WDPCP: variants seen among roughly 807,000 people sequenced by gnomAD.
WDPCP encodes the protein WD repeat containing planar cell polarity effector.
Under a neutral mutation model 93.1 loss-of-function variants are expected in WDPCP, and 71 were observed. The ratio of observed to expected loss-of-function variants is 0.76; its 90% confidence interval spans 0.63 to 0.93. The LOEUF (loss-of-function observed/expected upper bound fraction) is 0.93. Ranked by LOEUF, WDPCP falls within the 40% of genes least tolerant of loss-of-function variation. The pLI is 0.00. For synonymous variants in WDPCP, 315 were observed against 315.0 expected, an observed-to-expected ratio of 1.00 and a Z score of 0.00; for missense variants, 844 against 887.4, an observed-to-expected ratio of 0.95 and a Z score of 0.62.
chr2:63,521,475 T>C (rs992534539), intron 1 of WDPCP, among the ~76,000 whole-genome samples: 3 of 152,092 alleles, frequency 2.0e-5, no homozygotes, highest in Non-Finnish European at 4.4e-5. Flanking sequence ...CATTACATAA[T>C]GGTAAAAGGC....
chr2:63,691,891 TG>T (rs1668896882), intron 2 of WDPCP, among the ~76,000 whole-genome samples: 2 of 151,810 alleles, frequency 1.3e-5, no homozygotes, highest in Non-Finnish European at 2.9e-5. Context: ...TGTGTGTGTG[TG>T]TGTGTGTGTG....
Position 63,658,592 on chromosome 2 carries a change from G to A in WDPCP, n.309-7754C>T, listed in dbSNP as rs1246861725. On this transcript the variant is annotated intron_variant and non_coding_transcript_variant, in intron 2 of 4. Transcript: ENST00000467687. ...AATTTATATTTATTCTTATTTATCAGAAAATCAAAACATTATGAAAAATTT... is the reference window on the plus strand; with the variant it reads ...AATTTATATTTATTCTTATTTATCAAAAAATCAAAACATTATGAAAAATTT... Among the ~76,000 whole-genome samples, 7 of 152,172 alleles carry A rather than the reference G, an allele frequency of 4.6e-5. No individual in the cohort carries two copies. The South Asian group carries it at 1.4e-3, about 31-fold the overall frequency.
chr2:63,466,842 T>G (rs1177633196), intron 6 of WDPCP, among the ~76,000 whole-genome samples: 3 of 152,162 alleles, frequency 2.0e-5, no homozygotes, highest in Non-Finnish European at 4.4e-5. Flanking sequence ...GCAAAATACG[T>G]GGAAGCTTCC....
intron 3 of WDPCP, chr2:63,595,058 T>C: frequency 3.2e-6 from 1 of 312,888 alleles, no homozygotes; most frequent in Non-Finnish European, 6.0e-6. Context: ...CCATGGATAC[T>C]GAATTATTCT....
intron 15 of WDPCP, among the ~76,000 whole-genome samples, chr2:63,173,523 A>G (rs141297801): frequency 0.019 from 2,908 of 152,298 alleles, 103 homozygotes; most frequent in African/African-American, 0.067. Flanking sequence ...TTTCAAAGCC[A>G]GTCCTACCAT....
intron 3 of WDPCP, among the ~76,000 whole-genome samples, chr2:63,617,748 T>G (rs1261697786): frequency 2.6e-5 from 4 of 152,234 alleles, no homozygotes; most frequent in African/African-American, 9.7e-5. Flanking sequence ...GTAAATTTCC[T>G]TTATAAAAGA....
intron 13 of WDPCP, among the ~76,000 whole-genome samples, chr2:63,264,523 A>G (rs1024471100): frequency 6.6e-6 from 1 of 152,218 alleles, no homozygotes; most frequent in African/African-American, 2.4e-5. Context: ...CAGTTCATCA[A>G]GAAGTTATAA....
intron 12 of WDPCP, among the ~76,000 whole-genome samples, chr2:63,359,382 A>C (rs1257456205): frequency 1.3e-5 from 2 of 152,260 alleles, no homozygotes; most frequent in Non-Finnish European, 2.9e-5. Flanking sequence ...ATTTCACTAG[A>C]GAGCATAAAG....
chr2:63,484,038 T>C (rs1341512935), intron 6 of WDPCP, among the ~76,000 whole-genome samples: 1 of 151,972 alleles, frequency 6.6e-6, no homozygotes, highest in Non-Finnish European at 1.5e-5. Flanking sequence ...ATTGAACACT[T>C]AAATGCGGGT....
chr2:63,649,278 A>C (rs963921989), intron 3 of WDPCP, among the ~76,000 whole-genome samples: 1 of 152,160 alleles, frequency 6.6e-6, no homozygotes, highest in African/African-American at 2.4e-5. Context: ...TTTCATGGAC[A>C]TTTCATTTAA....
At chr2:63,454,803 A>G (rs1357765553) in intron 6 of WDPCP, among the ~76,000 whole-genome samples, 1 of 152,184 alleles carries the variant, frequency 6.6e-6, no homozygotes, top group African/African-American at 2.4e-5. Context: ...AAAATTCTAA[A>G]AACAGCAGCA....
rs1446050898 is a variant in WDPCP, at chr2:63,773,166, G to A, written n.308+40456C>T. Reference sequence around the variant, plus strand: ...ATTTACAGCAGCATTATTTATAATAGCCAGAAAACTGGGAATAATCCAAAT... The same window carrying A: ...ATTTACAGCAGCATTATTTATAATAACCAGAAAACTGGGAATAATCCAAAT... On this transcript the variant is annotated intron_variant and non_coding_transcript_variant, in intron 2 of 4. Transcript: ENST00000467687. Among the ~76,000 whole-genome samples, 8 of 152,024 alleles carry A rather than the reference G, an allele frequency of 5.3e-5. No homozygotes were observed. In the East Asian group the frequency reaches 7.7e-4, roughly 15 times the overall value.
upstream of WDPCP, among the ~76,000 whole-genome samples, chr2:63,591,158 G>A (rs896070350): frequency 3.9e-5 from 6 of 152,226 alleles, no homozygotes; most frequent in Admixed American, 1.3e-4. Flanking sequence ...GAGCAAAGAC[G>A]TTCCTTTTTT....
intron 2 of WDPCP, among the ~76,000 whole-genome samples, chr2:63,746,389 A>G (rs757190247): frequency 5.3e-5 from 8 of 152,182 alleles, no homozygotes; most frequent in Non-Finnish European, 1.0e-4. Context: ...GTTTTTGAAC[A>G]ATATGAAATA....
At chr2:63,750,679 G>A (rs1669865546) in intron 2 of WDPCP, among the ~76,000 whole-genome samples, 2 of 152,046 alleles carry the variant, frequency 1.3e-5, no homozygotes, top group African/African-American at 2.4e-5. Flanking sequence ...AGCTAAAAGT[G>A]TTCTTATAAT....
chr2:63,215,530 C>T (rs1268710313), intron 14 of WDPCP, among the ~76,000 whole-genome samples: 1 of 152,182 alleles, frequency 6.6e-6, no homozygotes, highest in African/African-American at 2.4e-5. Context: ...AACTGGATCC[C>T]TTCCTTACAC....
intron 9 of WDPCP, among the ~76,000 whole-genome samples, chr2:63,429,692 T>C (rs1483177976): frequency 2.6e-5 from 4 of 151,780 alleles, no homozygotes; most frequent in Admixed American, 1.3e-4. Context: ...ATAACAGAAA[T>C]TGGTGACGCT....
At chr2:63,799,767 A>G (rs1467473533) in intron 2 of WDPCP, among the ~76,000 whole-genome samples, 1 of 152,194 alleles carries the variant, frequency 6.6e-6, no homozygotes, top group Non-Finnish European at 1.5e-5. Flanking sequence ...CCCCTAGGCT[A>G]GTAGTTTTTC....
chr2:63,599,340 T>C (rs776651684), intron 3 of WDPCP: 2 of 1,566,558 alleles, frequency 1.3e-6, no homozygotes, highest in East Asian at 2.3e-5. Context: ...CTTTAAAACA[T>C]TTTTCTCTCA....
Sources: allele counts gnomAD v4.1 joint callset (sites outside exome capture counted in the v4.1 genomes callset), GRCh38; gene constraint gnomAD v4.1.1; transcripts MANE v1.5; gene names NCBI Gene and HGNC (gene_info 2026-07-23, HGNC 2026-07-21).